The following TTC7B variants were observed in gnomAD, a reference collection of about 807,000 sequenced individuals.
TTC7B encodes tetratricopeptide repeat domain 7B, also known as tetratricopeptide repeat protein 7B.
TTC7B carries 28 observed loss-of-function variants against 106.8 expected under a neutral mutation model. That is an observed-to-expected ratio of 0.26 (90% CI 0.19 to 0.36). The LOEUF is 0.36. TTC7B is among the 10% of genes least tolerant of loss of function. TTC7B has a pLI of 1.00. For missense variants in TTC7B, 862 were observed against 1,076.4 expected (o/e 0.80, Z 2.79); for synonymous variants, 405 against 430.6 (o/e 0.94, Z 0.74).
rs188590107 is a variant in TTC7B at position 90,798,540 on chromosome 14, G to C, written c.122-12212C>G. Reference sequence around the variant, plus strand: ...AGCCTGGCCAACATGGCAAAACCCCGTTTCTACTAAAAATACAAAAGTTAG... The same window carrying C: ...AGCCTGGCCAACATGGCAAAACCCCCTTTCTACTAAAAATACAAAAGTTAG... On this transcript the variant is annotated intron_variant, in intron 1 of 19. Coordinates refer to ENST00000328459, the MANE Select transcript of TTC7B (RefSeq NM_001010854.2). Among the ~76,000 whole-genome samples the C allele has an allele frequency of 1.7e-3, 263 of 151,956 alleles. 2 individuals are homozygous for C. Among genetic ancestry groups the C allele is most frequent in the African/African-American group, 6.2e-3 (257 of 41,480 alleles).
intron 5 of TTC7B, among the ~76,000 whole-genome samples, chr14:90,722,709 C>A (rs1172815417): frequency 6.6e-6 from 1 of 152,208 alleles, no homozygotes; most frequent in Non-Finnish European, 1.5e-5. Context: ...CAGATGTCTT[C>A]CATGGTATCT....
At chr14:90,586,655 A>G (rs1352760112) in intron 18 of TTC7B, among the ~76,000 whole-genome samples, 1 of 152,200 alleles carries the variant, frequency 6.6e-6, no homozygotes, top group Non-Finnish European at 1.5e-5. Flanking sequence ...AGGCCGTCTT[A>G]GCACCTATCT....
chr14:90,711,262 G>A (rs1167423177), intron 5 of TTC7B, among the ~76,000 whole-genome samples: 1 of 152,108 alleles, frequency 6.6e-6, no homozygotes, highest in African/African-American at 2.4e-5. Flanking sequence ...ATAACATTGT[G>A]TAAAGGGAAA....
At chr14:90,737,872 A>G (rs1056710988) in intron 4 of TTC7B, among the ~76,000 whole-genome samples, 1 of 152,296 alleles carries the variant, frequency 6.6e-6, no homozygotes, top group Middle Eastern at 3.4e-3. Flanking sequence ...TTCTATTTCT[A>G]TGAAATGTCC....
At chr14:90,753,680 T>C (rs1890202044) in intron 3 of TTC7B, among the ~76,000 whole-genome samples, 1 of 152,236 alleles carries the variant, frequency 6.6e-6, no homozygotes, top group Admixed American at 6.5e-5. Flanking sequence ...AGAGCATCTA[T>C]GATTTAGGAA....
chr14:90,662,685 A>T (rs1216357049), intron 9 of TTC7B, among the ~76,000 whole-genome samples: 1 of 152,252 alleles, frequency 6.6e-6, no homozygotes, highest in Non-Finnish European at 1.5e-5. Flanking sequence ...CTATGACAGT[A>T]ATTAATGCAG....
At position 90,808,843 on chromosome 14, in the gene TTC7B, C is replaced by T. The variant is rs967590481; in HGVS notation, c.121+7332G>A. Among the ~76,000 whole-genome samples the T allele has an allele frequency of 2.6e-5, 4 of 152,308 alleles. No individual in the cohort carries two copies. Among genetic ancestry groups the T allele is most frequent in the South Asian group, 2.1e-4 (1 of 4,824 alleles). On this transcript the variant is annotated intron_variant, in intron 1 of 19. Coordinates refer to ENST00000328459, the MANE Select transcript of TTC7B (RefSeq NM_001010854.2). The surrounding 1 kb of genome is among the most constrained non-coding windows in gnomAD (Gnocchi z 4.2). ...CAGGAATCCACCCACGTGTGGCCAA[C>T]GTGAATAAGAACCAAAGGCCATTCC...
At chr14:90,629,822 C>A (rs1296472347) in intron 15 of TTC7B, among the ~76,000 whole-genome samples, 1 of 152,224 alleles carries the variant, frequency 6.6e-6, no homozygotes, top group East Asian at 1.9e-4. Context: ...GCTTTCTGAG[C>A]CCCCGGCGGT....
Position 90,578,614 on chromosome 14 carries a change from G to T in TTC7B, c.2108-306C>A, listed in dbSNP as rs945288409. 1.1e-4 allele frequency among the ~76,000 whole-genome samples: 16 copies of T among 152,082 alleles called. No homozygotes were observed. The East Asian group carries it at 1.2e-3, about 11-fold the overall frequency. On this transcript the variant is annotated intron_variant, in intron 18 of 19. Transcript: ENST00000328459. The surrounding 1 kb of genome is among the most constrained non-coding windows in gnomAD (Gnocchi z 4.7). Reference sequence around the variant, plus strand: ...GCACCCACCCTCAGGGCCCACCCGGGGCTCCTCAGTGTCTGGACAGAGGCT... The same window carrying T: ...GCACCCACCCTCAGGGCCCACCCGGTGCTCCTCAGTGTCTGGACAGAGGCT...
intron 1 of TTC7B, among the ~76,000 whole-genome samples, chr14:90,798,291 G>A (rs1053354385): frequency 4.6e-5 from 7 of 152,128 alleles, no homozygotes; most frequent in Non-Finnish European, 4.4e-5. Context: ...AGCGAGCCCT[G>A]GCAAGCCCAG....
intron 6 of TTC7B, 27 bp downstream of exon 6, chr14:90,695,473 C>G: frequency 6.7e-7 from 1 of 1,481,774 alleles, no homozygotes; most frequent in Non-Finnish European, 9.1e-7. Flanking sequence ...CCCTGCTGGC[C>G]TCAATCAAGT....
chr14:90,606,130 G>T (rs2139836200), intron 17 of TTC7B, among the ~76,000 whole-genome samples: 1 of 152,324 alleles, frequency 6.6e-6, no homozygotes, highest in East Asian at 1.9e-4. Flanking sequence ...ACTTTACATA[G>T]ATTTGTTTTT....
rs372938069 is a variant in TTC7B, at chr14:90,721,955, T to C, written c.698+8120A>G. Among the ~76,000 whole-genome samples the C allele has an allele frequency of 1.5e-4, 23 of 152,370 alleles. No individual in the cohort carries two copies. The South Asian group carries it at 4.1e-3, about 27-fold the overall frequency. ...TATCAAGAGAAGTGATGGAAACAAA[T>C]GCTCTCTAACAGCTGTTGGAGCTTC... On this transcript the variant is annotated intron_variant, in intron 5 of 19. Transcript: ENST00000328459.
intron 5 of TTC7B, among the ~76,000 whole-genome samples, chr14:90,709,976 T>G (rs1888376004): frequency 1.6e-5 from 2 of 125,518 alleles, no homozygotes; most frequent in African/African-American, 3.0e-5. Context: ...AAACCTTATG[T>G]GCCAGAAAAA....
At chr14:90,704,930 C>T (rs1020711042) in intron 5 of TTC7B, among the ~76,000 whole-genome samples, 1 of 152,152 alleles carries the variant, frequency 6.6e-6, no homozygotes, top group East Asian at 1.9e-4. Flanking sequence ...TACCTTGGCT[C>T]TATCTACAGA....
intron 15 of TTC7B, among the ~76,000 whole-genome samples, chr14:90,636,314 CAACAT>C (rs1389960722): frequency 6.7e-6 from 1 of 148,494 alleles, no homozygotes; most frequent in Non-Finnish European, 1.5e-5. Context: ...TTGTATCTTA[CAACAT>C]AATCATAAAA....
At chr14:90,544,299 G>C (rs1005190663) in intron 19 of TTC7B, among the ~76,000 whole-genome samples, 2 of 152,238 alleles carry the variant, frequency 1.3e-5, no homozygotes. Context: ...ATCCAAACAT[G>C]TGTCCATGCT....
At chr14:90,716,097 G>A in intron 5 of TTC7B, among the ~76,000 whole-genome samples, 1 of 152,222 alleles carries the variant, frequency 6.6e-6, no homozygotes, top group African/African-American at 2.4e-5. Flanking sequence ...CTTGCAGTGG[G>A]AGGGAAGGAG....
At chr14:90,764,166 T>C (rs1440410581) in intron 3 of TTC7B, among the ~76,000 whole-genome samples, 2 of 152,044 alleles carry the variant, frequency 1.3e-5, no homozygotes, top group African/African-American at 2.4e-5. Context: ...ACATATATGC[T>C]CAACTAATTT....
Sources: allele counts gnomAD v4.1 joint callset (sites outside exome capture counted in the v4.1 genomes callset), GRCh38; gene constraint gnomAD v4.1.1; non-coding constraint Gnocchi (gnomAD v3.1); transcripts MANE v1.5; gene names NCBI Gene and HGNC (gene_info 2026-07-23, HGNC 2026-07-21).